The following CENPU variants were observed in gnomAD, a reference collection of about 807,000 sequenced individuals.
The protein encoded by CENPU is KSHV latent nuclear antigen interacting protein 1.
A neutral mutation model predicts 56.7 loss-of-function variants in CENPU; 46 were observed. The ratio of observed to expected loss-of-function variants is 0.81; its 90% confidence interval spans 0.64 to 1.04. The LOEUF (loss-of-function observed/expected upper bound fraction) is 1.04. CENPU is among the 50% of genes least tolerant of loss of function. The probability of loss-of-function intolerance (pLI) is 0.00; values close to 1 mark genes in which losing one functional copy is unlikely to be tolerated. For missense variants in CENPU, 510 were observed against 490.1 expected (o/e 1.04, Z -0.38); for synonymous variants, 166 against 163.0 (o/e 1.02, Z -0.14).
chr4:184,694,890 C>A lies in CENPU; in HGVS notation c.*398G>T. On this transcript the variant is annotated 3_prime_UTR_variant, in exon 13 of 13. Coordinates refer to ENST00000281453, the MANE Select transcript of CENPU (RefSeq NM_024629.4). ...ATATAAACTAAGTTTTATTACTTTG[C>A]TTTCCAATTTTTGTTTTTTACTTCT... is the stretch of plus-strand genomic sequence containing the variant. 1.0e-6 allele frequency: 1 copy of A among 991,286 alleles called. No homozygotes were observed. The highest frequency in any genetic ancestry group is 1.4e-6 in the Non-Finnish European group (1 of 693,764). 61.4% of individuals were successfully genotyped at this position (991,286 alleles called of 1,614,324 possible). A position where few individuals can be genotyped will look rare whatever the true frequency, so the allele number is the denominator to read the frequency against.
intron 4 of CENPU, among the ~76,000 whole-genome samples, chr4:184,720,238 A>G (rs1477642760): frequency 6.6e-6 from 1 of 152,174 alleles, no homozygotes; most frequent in Non-Finnish European, 1.5e-5. Flanking sequence ...TGTAACGGAC[A>G]TACTAAAGAA....
chr4:184,726,969 G>C (rs1266382362), intron 3 of CENPU, among the ~76,000 whole-genome samples: 1 of 66,464 alleles, frequency 1.5e-5, no homozygotes, highest in Non-Finnish European at 3.6e-5. Context: ...GGTGGTCCTG[G>C]GGGGTGGGGG....
intron 10 of CENPU, among the ~76,000 whole-genome samples, chr4:184,701,881 TA>T (rs1760545911): frequency 6.6e-6 from 1 of 152,192 alleles, no homozygotes; most frequent in African/African-American, 2.4e-5. Context: ...CGTGCAGCCT[TA>T]GGAAACAAAA....
intron 4 of CENPU, among the ~76,000 whole-genome samples, chr4:184,722,767 T>C (rs1761325016): frequency 6.6e-6 from 1 of 151,768 alleles, no homozygotes; most frequent in South Asian, 2.1e-4. Flanking sequence ...AATGAAGTCA[T>C]GAAGAAAATG....
intron 4 of CENPU, among the ~76,000 whole-genome samples, chr4:184,717,699 G>A (rs873687): frequency 0.55 from 83,802 of 152,108 alleles, 25,140 homozygotes; most frequent in Non-Finnish European, 0.69. Context: ...TTAAAATTGA[G>A]AGGCTTTCCT....
At chr4:184,730,794 G>T (rs1359431431) in intron 2 of CENPU, 126 bp downstream of exon 2, 1 of 608,346 alleles carries the variant, frequency 1.6e-6, no homozygotes, top group Non-Finnish European at 2.8e-6. Context: ...TGAGGAAAAT[G>T]AACACACTTT....
chr4:184,731,617 G>A (rs1452700777), intron 1 of CENPU, among the ~76,000 whole-genome samples: 3 of 152,206 alleles, frequency 2.0e-5, no homozygotes, highest in Non-Finnish European at 4.4e-5. Flanking sequence ...AATAGTGCCA[G>A]CAGTCAGTGA....
At chr4:184,730,858 C>T (rs1285563278) in intron 2 of CENPU, 62 bp downstream of exon 2, 17 of 1,340,994 alleles carry the variant, frequency 1.3e-5, no homozygotes, top group Non-Finnish European at 1.6e-5. Context: ...ACTGAGGTAC[C>T]CAAAAAATGT....
rs751238670 is a variant in CENPU, at chr4:184,717,184, A to G, written c.333T>C (p.Ser111=). ...ATTCGATTTCACTTGCTTCATTTCC[A>G]GAAGTGTCTGAACTGTAAAAAGTAC... ...GKEAKRSSDT[S]GNEASEIESV... is the part of the protein sequence containing the mutation. The change falls in exon 5 of 13, where the codon TCT becomes TCC. Residue 111 remains serine (S), a synonymous_variant. Transcript: ENST00000281453. The G allele has an allele frequency of 1.2e-6, 2 of 1,612,314 alleles. No homozygotes were observed. The highest frequency in any genetic ancestry group is 8.5e-7 in the Non-Finnish European group (1 of 1,179,582).
chr4:184,705,860 A>G (rs2150207377), intron 8 of CENPU, among the ~76,000 whole-genome samples: 1 of 152,340 alleles, frequency 6.6e-6, no homozygotes, highest in South Asian at 2.1e-4. Flanking sequence ...AGTCACAAAA[A>G]GACAAATACT....
At chr4:184,712,140 T>TAAAAAAAAA (rs1554011255) in intron 7 of CENPU, among the ~76,000 whole-genome samples, 1 of 124,966 alleles carries the variant, frequency 8.0e-6, no homozygotes. Flanking sequence ...AAAAAAAAAG[T>TAAAAAAAAA]TCACAGCAGC....
At chr4:184,731,411 T>A (rs544996797) in intron 1 of CENPU, among the ~76,000 whole-genome samples, 1 of 152,320 alleles carries the variant, frequency 6.6e-6, no homozygotes, top group South Asian at 2.1e-4. Context: ...GAGACAAGCC[T>A]GCATTAAAAT....
chr4:184,712,908 T>C, intron 7 of CENPU, 36 bp downstream of exon 7: 1 of 1,362,974 alleles, frequency 7.3e-7, no homozygotes, highest in African/African-American at 1.5e-5. Context: ...ATGAAATTCC[T>C]GAATGAGTGA....
chr4:184,695,455 TTAGA>T (rs1438578883), intron 12 of CENPU, 54 bp from the exon 13 acceptor site: 76 of 1,252,420 alleles, frequency 6.1e-5, no homozygotes, highest in Middle Eastern at 3.9e-4. Context: ...AACCTTGTCC[TTAGA>T]TAGCCCAATC....
intron 2 of CENPU, 47 bp from the exon 3 acceptor site, chr4:184,729,082 C>A: frequency 7.3e-7 from 1 of 1,375,068 alleles, no homozygotes; most frequent in African/African-American, 1.4e-5. Flanking sequence ...TCACAAAGAA[C>A]AATAGGTTGA....
chr4:184,719,352 C>T (rs1423016304), intron 4 of CENPU, among the ~76,000 whole-genome samples: 1 of 152,180 alleles, frequency 6.6e-6, no homozygotes, highest in Non-Finnish European at 1.5e-5. Flanking sequence ...GAGGAGAGCA[C>T]AGTGATTTTG....
rs776959139 is a variant in CENPU, at chr4:184,733,101, AG to A, written c.47+914del. On this transcript the variant is annotated intron_variant, in intron 1 of 12. Coordinates refer to ENST00000281453, the MANE Select transcript of CENPU (RefSeq NM_024629.4). ...AATGTTAAAAGATAAAAATAAAAAA[AG>A]ACAACAAAAACCACTAGCCTTTCAG... 2.3e-3 allele frequency among the ~76,000 whole-genome samples: 345 copies of A among 152,354 alleles called. 1 individual carries two copies. Among genetic ancestry groups the A allele is most frequent in the Non-Finnish European group, 3.9e-3 (264 of 68,042 alleles).
intron 4 of CENPU, among the ~76,000 whole-genome samples, chr4:184,721,806 T>G (rs562474429): frequency 6.6e-6 from 1 of 152,256 alleles, no homozygotes; most frequent in East Asian, 1.9e-4. Flanking sequence ...AGCTGGAGAC[T>G]TCAACACCCC....
At position 184,694,521 on chromosome 4, in the gene CENPU, G is replaced by GGAA. The variant is rs753812516; in HGVS notation, c.*764_*766dup. On this transcript the variant is annotated 3_prime_UTR_variant, in exon 13 of 13. Transcript: ENST00000281453. ...TCTATCCCTTCACCACTGAAATAAA[G>GGAA]GAAGAAGAGTTTACAACAGATGAAG... 382 of 1,607,956 alleles carry GGAA rather than the reference G, an allele frequency of 2.4e-4. No homozygotes were observed. Among genetic ancestry groups the GGAA allele is most frequent in the Non-Finnish European group, 2.9e-4 (343 of 1,176,472 alleles).
Sources: allele counts gnomAD v4.1 joint callset (sites outside exome capture counted in the v4.1 genomes callset), GRCh38; gene constraint gnomAD v4.1.1; transcripts MANE v1.5; gene names NCBI Gene and HGNC (gene_info 2026-07-23, HGNC 2026-07-21).